The following MAGI2 variants were observed in gnomAD, a reference collection of about 807,000 sequenced individuals.
MAGI2 encodes membrane associated guanylate kinase, WW and PDZ domain containing 2, also known as membrane-associated guanylate kinase, WW and PDZ domain-containing protein 2.
A neutral mutation model predicts 133.3 loss-of-function variants in MAGI2; 35 were observed. That is an observed-to-expected ratio of 0.26 (90% CI 0.20 to 0.35). The LOEUF is 0.35. Ranked by LOEUF, MAGI2 falls within the 10% of genes least tolerant of loss-of-function variation. The pLI is 1.00. For missense variants in MAGI2, 1,636 were observed against 1,863.4 expected (o/e 0.88, Z 2.25); for synonymous variants, 729 against 710.6 (o/e 1.03, Z -0.41).
chr7:79,324,367 A>ATGTATATATATACAGTGTGTATG (rs1363318371), intron 1 of MAGI2, among the ~76,000 whole-genome samples: 2 of 148,078 alleles, frequency 1.4e-5, no homozygotes, highest in Admixed American at 1.4e-4. Flanking sequence ...ATGTGTGTGT[A>ATGTATATATATACAGTGTGTATG]TGTATATATA....
At chr7:78,065,260 T>C (rs1157650502) in intron 21 of MAGI2, among the ~76,000 whole-genome samples, 3 of 152,204 alleles carry the variant, frequency 2.0e-5, no homozygotes, top group African/African-American at 7.2e-5. Flanking sequence ...TGACTTGCAC[T>C]GAATCCCAGG....
At chr7:78,480,544 G>T (rs1474354057) in intron 6 of MAGI2, among the ~76,000 whole-genome samples, 1 of 151,882 alleles carries the variant, frequency 6.6e-6, no homozygotes, top group African/African-American at 2.4e-5. Context: ...CCATGTCCTA[G>T]TTGGACTTAT....
chr7:78,916,851 T>G (rs1356064213), intron 2 of MAGI2, among the ~76,000 whole-genome samples: 1 of 152,146 alleles, frequency 6.6e-6, no homozygotes, highest in Non-Finnish European at 1.5e-5. Context: ...CTTTGTTCTG[T>G]GACATTCTGA....
chr7:78,209,233 A>AC (rs1380602078), intron 10 of MAGI2, among the ~76,000 whole-genome samples: 1 of 120,118 alleles, frequency 8.3e-6, no homozygotes, highest in Non-Finnish European at 1.7e-5. Flanking sequence ...AAAAAAAAAA[A>AC]AAAAAAAAAA....
chr7:78,467,891 T>C (rs767943597), intron 6 of MAGI2, among the ~76,000 whole-genome samples: 14 of 152,194 alleles, frequency 9.2e-5, no homozygotes. Flanking sequence ...TGTCACAAGA[T>C]ATCTTTCTTT....
chr7:79,394,294 TG>T (rs1301924341), intron 1 of MAGI2, among the ~76,000 whole-genome samples: 15 of 152,156 alleles, frequency 9.9e-5, no homozygotes, highest in African/African-American at 3.4e-4. Flanking sequence ...CAGTCTCAAC[TG>T]GAAAAAGAGC....
At chr7:78,512,865 G>C (rs902726682) in intron 4 of MAGI2, among the ~76,000 whole-genome samples, 2 of 152,104 alleles carry the variant, frequency 1.3e-5, no homozygotes, top group Non-Finnish European at 2.9e-5. Flanking sequence ...CAAAGTCTGT[G>C]GGTAGAAGGT....
chr7:78,289,219 G>A (rs552897993), intron 9 of MAGI2, among the ~76,000 whole-genome samples: 1 of 152,252 alleles, frequency 6.6e-6, no homozygotes, highest in Admixed American at 6.5e-5. Flanking sequence ...AAAAAGATTA[G>A]ACGAAAGGCT....
At chr7:78,647,376 C>T (rs1811009296) in intron 2 of MAGI2, among the ~76,000 whole-genome samples, 1 of 152,056 alleles carries the variant, frequency 6.6e-6, no homozygotes, top group African/African-American at 2.4e-5. Flanking sequence ...TTTATGCAGC[C>T]CACAGACATA....
chr7:78,212,788 G>A (rs1190280805), intron 10 of MAGI2, among the ~76,000 whole-genome samples: 4 of 152,090 alleles, frequency 2.6e-5, no homozygotes, highest in Non-Finnish European at 5.9e-5. Context: ...GATGATTCTT[G>A]CACCTCAGCC....
rs1324094821 is a variant in MAGI2, at chr7:78,501,589, A to C, written c.953T>G (p.Val318Gly). ...GTGTGAAACTCACTCAATGAAGTAG[A>C]CTTCGCCCTTCTCTGTATAGGCCAT... Reference protein sequence around the residue: ...WEMAYTEKGEVYFIDHNTKTT... With the variant: ...WEMAYTEKGEGYFIDHNTKTT... Residue 318 changes from valine (V) to glycine (G), a missense_variant, in exon 5 of 22, where the codon GTC becomes GGC. This residue lies in a region of MAGI2 where 920 missense variants were observed against 1,093.5 expected (regional missense o/e 0.84). Transcript: ENST00000354212. 1 of 1,613,350 alleles carries C rather than the reference A, an allele frequency of 6.2e-7. No homozygotes were observed. The highest frequency in any genetic ancestry group is 1.1e-5 in the South Asian group (1 of 91,062).
intron 8 of MAGI2, among the ~76,000 whole-genome samples, chr7:78,344,650 A>G (rs1790717649): frequency 6.6e-6 from 1 of 152,240 alleles, no homozygotes; most frequent in African/African-American, 2.4e-5. Context: ...GATAGTGTTT[A>G]GTATACTCTA....
chr7:78,256,827 T>G (rs562240801), intron 9 of MAGI2, among the ~76,000 whole-genome samples: 6 of 152,314 alleles, frequency 3.9e-5, no homozygotes, highest in Admixed American at 3.9e-4. Context: ...AACTTCATAT[T>G]CAGAAACAAA....
chr7:78,553,910 A>G (rs1328140355), intron 3 of MAGI2, among the ~76,000 whole-genome samples: 1 of 152,136 alleles, frequency 6.6e-6, no homozygotes, highest in Admixed American at 6.6e-5. Flanking sequence ...GGGAGTCCCA[A>G]AAGAAGGAGA....
intron 3 of MAGI2, among the ~76,000 whole-genome samples, chr7:78,563,500 C>T (rs183899301): frequency 9.9e-5 from 15 of 152,210 alleles, no homozygotes; most frequent in Admixed American, 2.0e-4. Flanking sequence ...GTGTGAAAAA[C>T]GACAGACGAG....
At chr7:78,115,643 TA>T (rs34218760) in intron 20 of MAGI2, among the ~76,000 whole-genome samples, 126,330 of 152,012 alleles carry the variant, frequency 0.83, 52,868 homozygotes, top group Non-Finnish European at 0.88. Flanking sequence ...ATAAAAGAAA[TA>T]ACCTGAGTAC....
At chr7:78,594,436 C>G (rs889289377) in intron 3 of MAGI2, among the ~76,000 whole-genome samples, 1 of 152,016 alleles carries the variant, frequency 6.6e-6, no homozygotes, top group Admixed American at 6.6e-5. Context: ...TGAAGCATGA[C>G]AAGATAACAA....
At chr7:79,315,098 A>G (rs535292500) in intron 1 of MAGI2, among the ~76,000 whole-genome samples, 1 of 152,128 alleles carries the variant, frequency 6.6e-6, no homozygotes, top group South Asian at 2.1e-4. Context: ...TCACATTTGC[A>G]ACTCTACGAA....
At chr7:79,017,294 G>A (rs1260325191) in intron 1 of MAGI2, among the ~76,000 whole-genome samples, 2 of 152,200 alleles carry the variant, frequency 1.3e-5, no homozygotes, top group South Asian at 4.1e-4. Context: ...GCCCCCTAGA[G>A]TTAGAGCACA....
Sources: allele counts gnomAD v4.1 joint callset (sites outside exome capture counted in the v4.1 genomes callset), GRCh38; gene constraint gnomAD v4.1.1; regional missense constraint gnomAD v4.1.1; transcripts MANE v1.5; gene names NCBI Gene and HGNC (gene_info 2026-07-23, HGNC 2026-07-21).